The following N4BP1 variants were observed in gnomAD, a reference collection of about 807,000 sequenced individuals.
The protein encoded by N4BP1 is NEDD4 binding protein 1.
A neutral mutation model predicts 70.9 loss-of-function variants in N4BP1; 21 were observed. That is an observed-to-expected ratio of 0.30 (90% CI 0.21 to 0.43). N4BP1 has a LOEUF of 0.43. N4BP1 is among the 20% of genes least tolerant of loss of function. N4BP1 has a pLI of 1.00. For missense variants in N4BP1, 936 were observed against 1,069.4 expected, an observed-to-expected ratio of 0.88 and a Z score of 1.74; for synonymous variants, 387 against 394.6, an observed-to-expected ratio of 0.98 and a Z score of 0.23.
Position 48,552,736 on chromosome 16 carries a change from A to C in N4BP1, c.2020+803T>G, listed in dbSNP as rs867098014. 9.6e-5 allele frequency among the ~76,000 whole-genome samples: 14 copies of C among 145,270 alleles called. No homozygotes were observed. The South Asian group carries it at 3.1e-3, about 32-fold the overall frequency. On this transcript the variant is annotated intron_variant, in intron 3 of 6. Transcript: ENST00000262384. ...AAAAAAAAAAAAAAAAAAAAAAAAA[A>C]AAGACTCCTTCAGGGATCCAATTGC...
intron 2 of N4BP1, among the ~76,000 whole-genome samples, chr16:48,555,353 G>A (rs1009447084): frequency 6.6e-6 from 1 of 152,174 alleles, no homozygotes; most frequent in African/African-American, 2.4e-5. Context: ...CCCTTTCCAC[G>A]ACCCCACAGT....
At chr16:48,609,350 G>A (rs1964639115) in intron 1 of N4BP1, among the ~76,000 whole-genome samples, 1 of 152,230 alleles carries the variant, frequency 6.6e-6, no homozygotes, top group African/African-American at 2.4e-5. Context: ...CAGTAGTGGA[G>A]GCCCGGGACT....
chr16:48,548,577 T>G (rs1162836562), intron 4 of N4BP1, among the ~76,000 whole-genome samples: 3 of 152,206 alleles, frequency 2.0e-5, no homozygotes, highest in South Asian at 2.1e-4. Context: ...CCGAGTGTGG[T>G]GGCTCACGCC....
At chr16:48,545,893 G>A (rs551714634) in intron 6 of N4BP1, among the ~76,000 whole-genome samples, 143 of 152,062 alleles carry the variant, frequency 9.4e-4, no homozygotes, top group Middle Eastern at 6.8e-3. Context: ...TGGGCATGGT[G>A]GTATGCGCCT....
intron 1 of N4BP1, among the ~76,000 whole-genome samples, chr16:48,574,952 T>C (rs1241727861): frequency 1.3e-5 from 2 of 152,228 alleles, no homozygotes; most frequent in Non-Finnish European, 2.9e-5. Flanking sequence ...CAGAGTTGTC[T>C]GACAGTATTC....
chr16:48,574,654 CTT>C (rs1259155791), intron 1 of N4BP1, among the ~76,000 whole-genome samples: 1 of 152,102 alleles, frequency 6.6e-6, no homozygotes, highest in Non-Finnish European at 1.5e-5. Flanking sequence ...TTTTAATCAA[CTT>C]AAGTCAGTAT....
In N4BP1 at chr16:48,600,220, T is replaced by A. The variant is rs1294152299; in HGVS notation, c.198+9555A>T. On this transcript the variant is annotated intron_variant, in intron 1 of 6. Transcript: ENST00000262384. Reference sequence around the variant, plus strand: ...CCCATCTACCCTGGCCACGGCATGATGTTCATCCGCAACGACTGAAAGGTG... The same window carrying A: ...CCCATCTACCCTGGCCACGGCATGAAGTTCATCCGCAACGACTGAAAGGTG... 1.1e-5 allele frequency: 8 copies of A among 761,188 alleles called. 1 individual carries two copies. In the Admixed American group the frequency reaches 1.3e-4, roughly 12 times the overall value. 47.2% of individuals were successfully genotyped at this position (761,188 alleles called of 1,614,324 possible). A position where few individuals can be genotyped will look rare whatever the true frequency, so the allele number is the denominator to read the frequency against.
rs1182354076 is a variant in N4BP1, at chr16:48,547,983, C to A, written c.2225+24G>T. 2.1e-6 allele frequency: 3 copies of A among 1,438,316 alleles called. No individual in the cohort carries two copies. In the South Asian group the frequency reaches 3.5e-5, roughly 17 times the overall value. The allele number at this position is 1,438,316 out of a possible 1,614,324, so 89.1% of individuals were successfully genotyped here. A position where few individuals can be genotyped will look rare whatever the true frequency, so the allele number is the denominator to read the frequency against. On this transcript the variant is annotated intron_variant, in intron 5 of 6. Coordinates refer to ENST00000262384, the MANE Select transcript of N4BP1 (RefSeq NM_153029.4). ...CAATTAAAAACAAAACTTTTCTGAC[C>A]AAAGACAAAGAAGAAAATATTACCT... is the stretch of plus-strand genomic sequence containing the variant.
chr16:48,601,481 TAA>T (rs370825855), intron 1 of N4BP1, among the ~76,000 whole-genome samples: 40 of 145,892 alleles, frequency 2.7e-4, no homozygotes, highest in African/African-American at 9.8e-4. Context: ...TTTAAAAAGT[TAA>T]AAAAAAAAAG....
chr16:48,592,676 T>C (rs1486100852), intron 1 of N4BP1, among the ~76,000 whole-genome samples: 2 of 152,252 alleles, frequency 1.3e-5, no homozygotes, highest in East Asian at 1.9e-4. Flanking sequence ...AATCTTTTGG[T>C]AATAAACAGT....
At chr16:48,608,733 T>G (rs1964625181) in intron 1 of N4BP1, among the ~76,000 whole-genome samples, 1 of 149,658 alleles carries the variant, frequency 6.7e-6, no homozygotes, top group Non-Finnish European at 1.5e-5. Flanking sequence ...CACTTTGAGT[T>G]TCAGTTTCCC....
At chr16:48,558,762 G>A (rs2151088497) in intron 2 of N4BP1, among the ~76,000 whole-genome samples, 1 of 152,320 alleles carries the variant, frequency 6.6e-6, no homozygotes, top group South Asian at 2.1e-4. Flanking sequence ...GGTGACTGAA[G>A]TGACATTTTT....
rs144279558 is a variant in N4BP1, at chr16:48,592,254, C to T, written c.198+17521G>A. 7.9e-5 allele frequency among the ~76,000 whole-genome samples: 12 copies of T among 152,246 alleles called. No individual in the cohort carries two copies. The East Asian group carries it at 1.2e-3, about 15-fold the overall frequency. ...CCCAGAACAGAAACAAAAACAAAAT[C>T]GGCTGACTGGGTTTGGGTTGCCAGG... On this transcript the variant is annotated intron_variant, in intron 1 of 6. Coordinates refer to ENST00000262384, the MANE Select transcript of N4BP1 (RefSeq NM_153029.4).
intron 1 of N4BP1, chr16:48,600,382 A>G (rs2151102177): frequency 1.4e-6 from 1 of 734,148 alleles, no homozygotes; most frequent in Non-Finnish European, 2.5e-6. Context: ...TATGAAAAAC[A>G]TAGAAATGAA....
intron 1 of N4BP1, among the ~76,000 whole-genome samples, chr16:48,605,220 C>T (rs1378693032): frequency 6.6e-6 from 1 of 152,102 alleles, no homozygotes; most frequent in Non-Finnish European, 1.5e-5. Flanking sequence ...TTAGTAGAGA[C>T]AGGGTTTCTC....
intron 1 of N4BP1, among the ~76,000 whole-genome samples, chr16:48,568,805 T>C (rs757091085): frequency 7.2e-5 from 11 of 152,236 alleles, no homozygotes; most frequent in Non-Finnish European, 1.3e-4. Context: ...TTTCTCTGGA[T>C]GCTTGCATGA....
At chr16:48,572,433 G>A (rs913881766) in intron 1 of N4BP1, among the ~76,000 whole-genome samples, 1 of 152,024 alleles carries the variant, frequency 6.6e-6, no homozygotes, top group Non-Finnish European at 1.5e-5. Context: ...TGGGGGAGGG[G>A]GGACAGGCAG....
chr16:48,558,135 T>C (rs1963784555), intron 2 of N4BP1, among the ~76,000 whole-genome samples: 1 of 151,962 alleles, frequency 6.6e-6, no homozygotes, highest in Admixed American at 6.6e-5. Flanking sequence ...AGAATATGGG[T>C]AAATCTTAAT....
chr16:48,566,084 T>C (rs1316783860), intron 1 of N4BP1, among the ~76,000 whole-genome samples: 3 of 152,176 alleles, frequency 2.0e-5, no homozygotes, highest in African/African-American at 7.2e-5. Context: ...ATTTTCTCTA[T>C]TGTCAGTGTT....
Sources: allele counts gnomAD v4.1 joint callset (sites outside exome capture counted in the v4.1 genomes callset), GRCh38; gene constraint gnomAD v4.1.1; transcripts MANE v1.5; gene names NCBI Gene and HGNC (gene_info 2026-07-23, HGNC 2026-07-21).